TTLL10: variants seen among roughly 807,000 people sequenced by gnomAD.
TTLL10 encodes inactive polyglycylase TTLL10.
Under a neutral mutation model 69.0 loss-of-function variants are expected in TTLL10, and 61 were observed. The ratio of observed to expected loss-of-function variants is 0.88; its 90% CI spans 0.72 to 1.09. The LOEUF is 1.09. TTLL10 is among the 50% of genes least tolerant of loss of function. The pLI is 0.00. For missense variants in TTLL10, 962 were observed against 945.9 expected, an observed-to-expected ratio of 1.02 and a Z score of -0.22; for synonymous variants, 408 against 393.3, an observed-to-expected ratio of 1.04 and a Z score of -0.44.
rs1193788253 is a variant in TTLL10, at chr1:1,181,140, C to T, written c.755+280C>T. Among the ~76,000 whole-genome samples, 2 of 151,388 alleles carry T rather than the reference C, an allele frequency of 1.3e-5. No homozygotes were observed. The highest frequency in any genetic ancestry group is 2.9e-5 in the Non-Finnish European group (2 of 67,850). ...GGGCCAAACCCCTGTCCCATAAACC[C>T]ACCCTCTTCCTCGTGGCTGAACGGG... On this transcript the variant is annotated intron_variant, in intron 8 of 15. Coordinates refer to ENST00000379289, the MANE Select transcript of TTLL10 (RefSeq NM_001130045.2). The surrounding 1 kb of genome is among the most constrained non-coding windows in gnomAD (Gnocchi z 4.6).
At position 1,174,498 on chromosome 1, in the gene TTLL10, C is replaced by T. The variant is rs536289178; in HGVS notation, c.-28+9C>T. ...TCTTTTCATCTCACCAGGTAAAACG[C>T]TTATTTTACAATTTATTGTAAGGTC... On this transcript the variant is annotated intron_variant, in intron 3 of 15. Transcript: ENST00000379289. 1.3e-5 allele frequency: 2 copies of T among 152,522 alleles called. No individual in the cohort carries two copies. Among genetic ancestry groups the T allele is most frequent in the African/African-American group, 4.8e-5 (2 of 41,598 alleles). The allele number at this position is 152,522 out of a possible 1,614,324, so 9.4% of individuals were successfully genotyped here. A position where few individuals can be genotyped will look rare whatever the true frequency, so the allele number is the denominator to read the frequency against.
intron 13 of TTLL10, among the ~76,000 whole-genome samples, chr1:1,193,308 G>C (rs532133544): frequency 2.0e-5 from 3 of 152,268 alleles, no homozygotes; most frequent in East Asian, 3.9e-4. Context: ...CTGGGTGACA[G>C]AGCGAGACTC....
intron 8 of TTLL10, 51 bp downstream of exon 8, chr1:1,180,911 GCCCCTGCCCCTGCCCCTGCACCCGCCCCA>G: frequency 6.6e-6 from 9 of 1,360,672 alleles, no homozygotes; most frequent in Non-Finnish European, 8.6e-6. Context: ...CCCTACGCCT[GCCCCTGCCCCTGCCCCTGCACCCGCCCCA>G]CCCCTGCCCC....
At chr1:1,178,055 C>T (rs1358451132) in intron 3 of TTLL10, among the ~76,000 whole-genome samples, 1 of 152,218 alleles carries the variant, frequency 6.6e-6, no homozygotes, top group Non-Finnish European at 1.5e-5. Context: ...CCGTGGGCTT[C>T]CTCGTTGTCT....
chr1:1,182,550 C>A, intron 10 of TTLL10, 104 bp downstream of exon 10: 1 of 1,231,496 alleles, frequency 8.1e-7, no homozygotes, highest in Non-Finnish European at 1.2e-6. Flanking sequence ...GGAGGGGCTG[C>A]GTGGGGCTGG....
At chr1:1,195,760 C>T (rs1055093567) in intron 13 of TTLL10, among the ~76,000 whole-genome samples, 1 of 152,124 alleles carries the variant, frequency 6.6e-6, no homozygotes, top group Non-Finnish European at 1.5e-5. Context: ...CCACCTCAGC[C>T]TCCCAAGTAG....
intron 13 of TTLL10, among the ~76,000 whole-genome samples, chr1:1,193,630 A>AT (rs1647997152): frequency 2.0e-5 from 3 of 151,744 alleles, no homozygotes; most frequent in South Asian, 4.2e-4. Context: ...CACCCGGCTA[A>AT]TTTTTTGTAT....
chr1:1,196,406 C>T (rs573629952), intron 13 of TTLL10, 194 bp from the exon 14 acceptor site: 641 of 590,534 alleles, frequency 1.1e-3, no homozygotes, highest in Middle Eastern at 1.8e-3. Flanking sequence ...AGGACAGGAG[C>T]TGCACGAGTT....
chr1:1,182,631 G>A (rs564829849), intron 10 of TTLL10, among the ~76,000 whole-genome samples, 185 bp downstream of exon 10: 22 of 152,246 alleles, frequency 1.4e-4, no homozygotes, highest in African/African-American at 5.3e-4. Flanking sequence ...AGTTGGAAAG[G>A]GGAGGGTCTG....
rs899164135 is a variant in TTLL10 at position 1,185,494 on chromosome 1, C to T, written c.1401+385C>T. On this transcript the variant is annotated intron_variant, in intron 13 of 15. Coordinates refer to ENST00000379289, the MANE Select transcript of TTLL10 (RefSeq NM_001130045.2). The surrounding 1 kb of genome is among the most constrained non-coding windows in gnomAD (Gnocchi z 6.1). ...CGGGCCAGGTGTCCTGGAGCAGCAGCAGCTGCCCGTGCAGGCCCGGACTCT... is the reference window on the plus strand; with the variant it reads ...CGGGCCAGGTGTCCTGGAGCAGCAGTAGCTGCCCGTGCAGGCCCGGACTCT... 1.9e-6 allele frequency: 2 copies of T among 1,071,426 alleles called. No individual in the cohort carries two copies. Among genetic ancestry groups the T allele is most frequent in the Admixed American group, 1.0e-4 (2 of 19,504 alleles). 66.4% of individuals were successfully genotyped at this position (1,071,426 alleles called of 1,614,324 possible). A position where few individuals can be genotyped will look rare whatever the true frequency, so the allele number is the denominator to read the frequency against.
At position 1,181,404 on chromosome 1, in the gene TTLL10, G is replaced by A. The variant is rs1455711704; in HGVS notation, c.756-337G>A. Among the ~76,000 whole-genome samples, 1 of 151,948 alleles carries A rather than the reference G, an allele frequency of 6.6e-6. No individual in the cohort carries two copies. Among genetic ancestry groups the A allele is most frequent in the East Asian group, 1.9e-4 (1 of 5,184 alleles). On this transcript the variant is annotated intron_variant, in intron 8 of 15. Coordinates refer to ENST00000379289, the MANE Select transcript of TTLL10 (RefSeq NM_001130045.2). The surrounding 1 kb of genome is among the most constrained non-coding windows in gnomAD (Gnocchi z 4.6). ...ACTTCGTCCTCCTGCTCCCAGCCCT[G>A]CCCACTGCCCTTCTATGGACCCACC...
At chr1:1,186,150 A>G (rs1461881263) in intron 13 of TTLL10, among the ~76,000 whole-genome samples, 2 of 150,726 alleles carry the variant, frequency 1.3e-5, no homozygotes, top group African/African-American at 2.4e-5. Flanking sequence ...GTACAGTGGC[A>G]CAATCTCAGC....
Position 1,180,358 on chromosome 1 carries a change from G to C in TTLL10, c.506+18G>C, listed in dbSNP as rs1647013442. 6.5e-7 allele frequency: 1 copy of C among 1,548,634 alleles called. No individual in the cohort carries two copies. Among genetic ancestry groups the C allele is most frequent in the Non-Finnish European group, 8.7e-7 (1 of 1,146,116 alleles). ...GCCACAATGTGAGTAGCGGCCCTGG[G>C]CGCCCGTGGTCCCACTGAATACCCA... On this transcript the variant is annotated intron_variant, in intron 6 of 15. Coordinates refer to ENST00000379289, the MANE Select transcript of TTLL10 (RefSeq NM_001130045.2).
chr1:1,197,719 G>A lies in TTLL10; in HGVS notation c.1894G>A (p.Ala632Thr), dbSNP rs200200135. The change falls in exon 16 of 16, where the codon GCC becomes ACC. Residue 632 changes from alanine (A) to threonine (T), a missense_variant. Coordinates refer to ENST00000379289, the MANE Select transcript of TTLL10 (RefSeq NM_001130045.2). ...GCCACCCGGCCCCGACCTGGACAGC[G>A]CCCACGATGGGGAGCCCCAGGCCCC... ...PRPPGPDLDS[A>T]HDGEPQAPGT... is the part of the protein sequence containing the mutation. 7.7e-5 allele frequency: 118 copies of A among 1,530,266 alleles called. No homozygotes were observed. The South Asian group carries it at 1.0e-3, about 14-fold the overall frequency. 94.8% of individuals were successfully genotyped at this position (1,530,266 alleles called of 1,614,324 possible). A position where few individuals can be genotyped will look rare whatever the true frequency, so the allele number is the denominator to read the frequency against.
chr1:1,182,797 G>C, intron 10 of TTLL10, 79 bp from the exon 11 acceptor site: 2 of 1,468,978 alleles, frequency 1.4e-6, no homozygotes, highest in Non-Finnish European at 1.8e-6. Context: ...AGCCTGGAGG[G>C]GAGGGTCCTG....
At position 1,181,011 on chromosome 1, in the gene TTLL10, C is replaced by T; in HGVS notation, c.755+151C>T. ...ACCCAGGCTCCCAGGCTGGCTCCAG[C>T]CCCTGCCCCTGCCCTTGCCCCTGCC... is the stretch of plus-strand genomic sequence containing the variant. On this transcript the variant is annotated intron_variant, in intron 8 of 15. Transcript: ENST00000379289. The surrounding 1 kb of genome is among the most constrained non-coding windows in gnomAD (Gnocchi z 4.6). 1.6e-6 allele frequency: 1 copy of T among 608,970 alleles called. No individual in the cohort carries two copies. The highest frequency in any genetic ancestry group is 2.6e-6 in the Non-Finnish European group (1 of 390,096). 37.7% of individuals were successfully genotyped at this position (608,970 alleles called of 1,614,324 possible).
At chr1:1,188,231 A>G (rs1020798477) in intron 13 of TTLL10, among the ~76,000 whole-genome samples, 1 of 150,292 alleles carries the variant, frequency 6.7e-6, no homozygotes, top group Admixed American at 6.6e-5. Flanking sequence ...TGCCAGTACC[A>G]CATGGTTTTG....
intron 3 of TTLL10, among the ~76,000 whole-genome samples, chr1:1,177,272 CTG>C (rs1044183984): frequency 3.3e-5 from 5 of 150,766 alleles, no homozygotes; most frequent in Admixed American, 1.3e-4. Flanking sequence ...CTGTGTGTAG[CTG>C]TGTGTCTGTG....
intron 13 of TTLL10, among the ~76,000 whole-genome samples, chr1:1,190,371 CTATCTT>C (rs960504913): frequency 1.4e-4 from 21 of 151,302 alleles, no homozygotes; most frequent in African/African-American, 5.1e-4. Flanking sequence ...TATTTCCACT[CTATCTT>C]TATTATTTCC....
Sources: allele counts gnomAD v4.1 joint callset (sites outside exome capture counted in the v4.1 genomes callset), GRCh38; gene constraint gnomAD v4.1.1; non-coding constraint Gnocchi (gnomAD v3.1); transcripts MANE v1.5; gene names NCBI Gene and HGNC (gene_info 2026-07-23, HGNC 2026-07-21).